The following SCN7A variants were observed in gnomAD, a reference collection of about 807,000 sequenced individuals.
The protein encoded by SCN7A is sodium channel protein type 7 subunit alpha.
In SCN7A, 138 loss-of-function variants were observed where a neutral mutation model predicts 155.2. That is an observed-to-expected ratio of 0.89 (90% CI 0.77 to 1.02). The LOEUF (loss-of-function observed/expected upper bound fraction) is 1.02. Among genes scored for constraint, SCN7A ranks in the 50% least tolerant of loss-of-function variants. The pLI is 0.00. For synonymous variants in SCN7A, 693 were observed against 649.0 expected (o/e 1.07, Z -1.03); for missense variants, 2,058 against 1,986.6 (o/e 1.04, Z -0.68).
intron 10 of SCN7A, among the ~76,000 whole-genome samples, chr2:166,457,393 T>C (rs760795176): frequency 2.6e-5 from 4 of 152,224 alleles, no homozygotes; most frequent in Non-Finnish European, 5.9e-5. Context: ...TTGTCATCTC[T>C]TGATATAGAA....
chr2:166,412,367 AT>A (rs1239758861), intron 23 of SCN7A, among the ~76,000 whole-genome samples, 162 bp downstream of exon 23: 4 of 152,114 alleles, frequency 2.6e-5, no homozygotes, highest in Non-Finnish European at 5.9e-5. Context: ...GGCAATGTTC[AT>A]CAATGTGCAG....
intron 21 of SCN7A, among the ~76,000 whole-genome samples, chr2:166,413,377 A>G (rs1701244336): frequency 6.6e-6 from 1 of 152,146 alleles, no homozygotes; most frequent in Non-Finnish European, 1.5e-5. Context: ...ACAGATATAT[A>G]AATGGTAAAT....
Position 166,414,133 on chromosome 2 carries a change from A to T in SCN7A, c.3415-1012T>A, listed in dbSNP as rs1244088803. On this transcript the variant is annotated intron_variant, in intron 21 of 25. Transcript: ENST00000643258. ...TATAAATATATATAATATATTATAT[A>T]TATGTAAATATATATAAATATATAT... Among the ~76,000 whole-genome samples the T allele has an allele frequency of 2.6e-4, 21 of 79,908 alleles. No individual in the cohort carries two copies. The East Asian group carries it at 4.4e-3, about 17-fold the overall frequency. 52.4% of individuals were successfully genotyped at this position (79,908 alleles called of 152,430 possible).
At chr2:166,483,082 T>C (rs972182811) in intron 2 of SCN7A, among the ~76,000 whole-genome samples, 1 of 152,078 alleles carries the variant, frequency 6.6e-6, no homozygotes, top group South Asian at 2.1e-4. Context: ...ATTTGGACAC[T>C]AACAAATTCA....
intron 1 of SCN7A, among the ~76,000 whole-genome samples, chr2:166,491,665 G>C (rs1008134183): frequency 6.7e-6 from 1 of 149,168 alleles, no homozygotes; most frequent in Non-Finnish European, 1.5e-5. Flanking sequence ...AGGAACCAAC[G>C]CAGGAAAAGA....
intron 15 of SCN7A, among the ~76,000 whole-genome samples, chr2:166,434,487 G>T (rs1453236221): frequency 1.3e-5 from 2 of 152,072 alleles, no homozygotes. Context: ...AAAGGACAAT[G>T]ATCAAATGCT....
At chr2:166,426,615 A>C (rs139523184) in intron 18 of SCN7A, among the ~76,000 whole-genome samples, 1 of 152,258 alleles carries the variant, frequency 6.6e-6, no homozygotes, top group African/African-American at 2.4e-5. Flanking sequence ...AAGAAATACA[A>C]AAGTAACACA....
At chr2:166,449,658 A>G (rs1702137777) in intron 11 of SCN7A, among the ~76,000 whole-genome samples, 1 of 152,118 alleles carries the variant, frequency 6.6e-6, no homozygotes, top group African/African-American at 2.4e-5. Context: ...CACTTCCCCA[A>G]AGAAGGTATA....
At chr2:166,456,670 G>A (rs1702281748) in intron 11 of SCN7A, among the ~76,000 whole-genome samples, 200 bp downstream of exon 11, 1 of 151,988 alleles carries the variant, frequency 6.6e-6, no homozygotes, top group Non-Finnish European at 1.5e-5. Flanking sequence ...GAGCCTTAAA[G>A]CACTTGGCAT....
At position 166,406,130 on chromosome 2, in the gene SCN7A, T is replaced by C; in HGVS notation, c.4499A>G (p.Asn1500Ser). 1 of 1,611,966 alleles carries C rather than the reference T, an allele frequency of 6.2e-7. No individual in the cohort carries two copies. Among genetic ancestry groups the C allele is most frequent in the Admixed American group, 1.7e-5 (1 of 59,622 alleles). ...MYIVVVMEFLNIASKKKNKTL... is the reference protein window; with the variant it reads ...MYIVVVMEFLSIASKKKNKTL... ...CTTGTTTTTCTTCTTAGAAGCAATA[T>C]TTAAAAACTCCATGACAACAACAAT... The change falls in exon 26 of 26, where the codon AAT (asparagine) becomes AGT (serine). Residue 1500 changes from asparagine (N) to serine (S), a missense_variant. Transcript: ENST00000643258.
chr2:166,418,334 G>A (rs549011287), intron 20 of SCN7A, among the ~76,000 whole-genome samples: 281 of 108,142 alleles, frequency 2.6e-3, no homozygotes, highest in Admixed American at 5.3e-3. Flanking sequence ...GTTTCACCAT[G>A]TTGGTCAGGT....
At chr2:166,466,437 A>G (rs1644083067) in intron 7 of SCN7A, among the ~76,000 whole-genome samples, 1 of 152,174 alleles carries the variant, frequency 6.6e-6, no homozygotes, top group Admixed American at 6.5e-5. Context: ...TAATTTCAAT[A>G]AGCAGGAAAG....
At chr2:166,415,603 G>A in intron 21 of SCN7A, among the ~76,000 whole-genome samples, 1 of 152,108 alleles carries the variant, frequency 6.6e-6, no homozygotes, top group East Asian at 1.9e-4. Context: ...AGCCACGGCA[G>A]AGGAACATAA....
intron 20 of SCN7A, among the ~76,000 whole-genome samples, chr2:166,418,053 CTAATATAA>C (rs1300039779): frequency 6.6e-6 from 1 of 151,514 alleles, no homozygotes; most frequent in Non-Finnish European, 1.5e-5. Flanking sequence ...GTTGCTATAT[CTAATATAA>C]TAATATAATA....
chr2:166,472,093 C>T (rs1702671512), intron 6 of SCN7A, among the ~76,000 whole-genome samples: 1 of 151,688 alleles, frequency 6.6e-6, no homozygotes, highest in Non-Finnish European at 1.5e-5. Context: ...AGGTATATCT[C>T]CTAATGCTAT....
intron 3 of SCN7A, among the ~76,000 whole-genome samples, chr2:166,477,035 TA>T (rs1395973051): frequency 6.6e-6 from 1 of 152,020 alleles, no homozygotes; most frequent in African/African-American, 2.4e-5. Flanking sequence ...TATGAATGAA[TA>T]AAAATGATAA....
At chr2:166,410,381 T>C (rs1255680470) in intron 23 of SCN7A, 57 bp from the exon 24 acceptor site, 7 of 1,186,938 alleles carry the variant, frequency 5.9e-6, no homozygotes, top group African/African-American at 4.7e-5. Context: ...TTTTCCCTTA[T>C]GTTAATAGGC....
intron 18 of SCN7A, 136 bp downstream of exon 18, chr2:166,427,652 A>T: frequency 1.7e-6 from 1 of 583,686 alleles, no homozygotes; most frequent in East Asian, 3.0e-5. Flanking sequence ...TAAATCACAG[A>T]TTATGAAATT....
intron 11 of SCN7A, among the ~76,000 whole-genome samples, chr2:166,450,905 A>G (rs1296011489): frequency 6.6e-6 from 1 of 152,226 alleles, no homozygotes; most frequent in Non-Finnish European, 1.5e-5. Flanking sequence ...GTTGTAATTT[A>G]TGCAATTCCA....
Sources: gnomAD v4.1 joint callset for allele counts (sites outside exome capture counted in the v4.1 genomes callset) on GRCh38, gnomAD v4.1.1 for gene constraint, MANE v1.5 for transcripts, NCBI Gene and HGNC (gene_info 2026-07-23, HGNC 2026-07-21) for gene names.